Variants in PNPLA6 observed in about 807,000 individuals in gnomAD.
The protein encoded by PNPLA6 is patatin like domain 6, lysophospholipase.
In PNPLA6, 105 loss-of-function variants were observed where a neutral mutation model predicts 153.7. The ratio of observed to expected loss-of-function variants is 0.68; its 90% CI spans 0.58 to 0.80. The LOEUF (loss-of-function observed/expected upper bound fraction) is 0.80, where lower values mean the gene tolerates loss of function less well. PNPLA6 is among the 30% of genes least tolerant of loss of function. PNPLA6 has a pLI of 0.00. For synonymous variants in PNPLA6, 825 were observed against 822.2 expected (o/e 1.00, Z -0.06); for missense variants, 1,423 against 1,919.3 (o/e 0.74, Z 4.83).
chr19:7,561,393 G>A (rs2024095540), intron 31 of PNPLA6, 76 bp downstream of exon 31: 1 of 1,431,656 alleles, frequency 7.0e-7, no homozygotes, highest in Admixed American at 1.9e-5. Flanking sequence ...GGGAGCCGGG[G>A]GCGTATTTGA....
rs73921451 is a variant in PNPLA6 at position 7,536,115 on chromosome 19, T to C, written c.233-76T>C. On this transcript the variant is annotated intron_variant, in intron 1 of 31. Transcript: ENST00000600737. Reference sequence around the variant, plus strand: ...GCAGAGATGGGGATTTGCTGGCGTCTGTTCGCGGTACCCCAGCTCTGGCAG... The same window carrying C: ...GCAGAGATGGGGATTTGCTGGCGTCCGTTCGCGGTACCCCAGCTCTGGCAG... 1.4e-3 allele frequency: 2,091 copies of C among 1,541,302 alleles called. 21 individuals are homozygous for C. The African/African-American group carries it at 0.025, about 19-fold the overall frequency.
Position 7,540,862 on chromosome 19 carries a change from A to C in PNPLA6, c.796-61A>C. The C allele has an allele frequency of 1.9e-6, 3 of 1,608,450 alleles. No homozygotes were observed. Among genetic ancestry groups the C allele is most frequent in the Non-Finnish European group, 2.6e-6 (3 of 1,175,952 alleles). On this transcript the variant is annotated intron_variant, in intron 6 of 31. Transcript: ENST00000600737. The surrounding 1 kb of genome is among the most constrained non-coding windows in gnomAD (Gnocchi z 6.8). ...GACTGGCGCCAGGAAGGATTAGGGG[A>C]GTAGCGAGGGGGACTCGCAGCCTCT...
At chr19:7,552,669 C>T (rs905199557) in intron 18 of PNPLA6, among the ~76,000 whole-genome samples, 3 of 148,192 alleles carry the variant, frequency 2.0e-5, no homozygotes, top group African/African-American at 5.0e-5. Context: ...GCAGGAGAAT[C>T]GCTTGAACCG....
rs2023824460 is a variant in PNPLA6 at position 7,555,262 on chromosome 19, A to G, written c.2831A>G (p.Glu944Gly). The G allele has an allele frequency of 6.3e-7, 1 of 1,597,862 alleles. No individual in the cohort carries two copies. The highest frequency in any genetic ancestry group is 1.3e-5 in the African/African-American group (1 of 74,608). The change falls in exon 23 of 32, where the codon GAG (glutamate) becomes GGG (glycine). Residue 944 changes from glutamate (E) to glycine (G), a missense_variant. Coordinates refer to ENST00000600737, the MANE Select transcript of PNPLA6 (RefSeq NM_001166114.2). This position sits in a 1 kb window ranked among gnomAD's most constrained non-coding sequence, Gnocchi z 6.3. ...CCCCCATCCCAGCATGAGCTCTACG[A>G]GAAGGTTTTCTCCAGGCGCGCGGAC... The part of the protein sequence containing the change: ...RSPAKLHELY[E>G]KVFSRRADRH...
At chr19:7,554,343 T>A in intron 20 of PNPLA6, 71 bp downstream of exon 20, 1 of 1,444,884 alleles carries the variant, frequency 6.9e-7, no homozygotes, top group Non-Finnish European at 9.7e-7. Context: ...CAGACCTGAG[T>A]TCAAGTTCTT....
At chr19:7,534,957 C>G (rs889368), upstream of PNPLA6, 2,764 of 160,996 alleles carry the variant, frequency 0.017, 214 homozygotes, top group Admixed American at 0.13. Context: ...TGCCTCCCAG[C>G]TCCTGGGTCT....
At chr19:7,543,147 C>A in intron 13 of PNPLA6, 63 bp downstream of exon 13, 1 of 1,360,690 alleles carries the variant, frequency 7.3e-7, no homozygotes, top group Non-Finnish European at 1.1e-6. Flanking sequence ...CTTCTGTGAC[C>A]TCTGATCCCT....
chr19:7,551,703 G>A (rs2023659329), intron 18 of PNPLA6, among the ~76,000 whole-genome samples: 1 of 152,160 alleles, frequency 6.6e-6, no homozygotes, highest in Non-Finnish European at 1.5e-5. Context: ...TGGTGCCGGG[G>A]AGGGAGTCTT....
upstream of PNPLA6, chr19:7,535,564 T>C (rs1035379229): frequency 1.2e-6 from 2 of 1,604,962 alleles, no homozygotes; most frequent in Non-Finnish European, 1.7e-6. The surrounding 1 kb of genome is among the most constrained non-coding windows in gnomAD (Gnocchi z 5.0). Flanking sequence ...GAGGCTCCGC[T>C]GCAAACTGGA....
At position 7,535,863 on chromosome 19, in the gene PNPLA6, C is replaced by T. The variant is rs2022838242; in HGVS notation, c.75C>T (p.Asp25=). 1.3e-6 allele frequency: 2 copies of T among 1,539,726 alleles called. No homozygotes were observed. Among genetic ancestry groups the T allele is most frequent in the Non-Finnish European group, 1.7e-6 (2 of 1,148,054 alleles). The change falls in exon 1 of 32, where the codon GAC becomes GAT. Residue 25 remains aspartate (D), a synonymous_variant. Coordinates refer to ENST00000600737, the MANE Select transcript of PNPLA6 (RefSeq NM_001166114.2). This position sits in a 1 kb window ranked among gnomAD's most constrained non-coding sequence, Gnocchi z 5.0. The stretch of plus-strand genomic sequence containing the variant: ...TGGCGGAGAGGGATGGGTTCCAGGA[C>T]GTCCTGGCGCCCGGGGAAGGCTCGG... ...AKVAERDGFQ[D]VLAPGEGSAG...
chr19:7,558,112 C>T (rs1048592431), intron 27 of PNPLA6, among the ~76,000 whole-genome samples: 4 of 152,346 alleles, frequency 2.6e-5, no homozygotes, highest in East Asian at 3.9e-4. Flanking sequence ...TGTGCACACA[C>T]GTAGATAGGA....
chr19:7,556,761 G>A lies in PNPLA6; in HGVS notation c.3280+37G>A, dbSNP rs570973508. The A allele has an allele frequency of 1.1e-4, 162 of 1,485,110 alleles. No individual in the cohort carries two copies. In the South Asian group the frequency reaches 1.4e-3, roughly 13 times the overall value. 92.0% of individuals were successfully genotyped at this position (1,485,110 alleles called of 1,614,324 possible). A position where few individuals can be genotyped will look rare whatever the true frequency, so the allele number is the denominator to read the frequency against. ...CGCCCAGCCTGCAGCAACCGCTGACGCCACGTGGGGTTGGGGGGATGCTTC... is the reference window on the plus strand; with the variant it reads ...CGCCCAGCCTGCAGCAACCGCTGACACCACGTGGGGTTGGGGGGATGCTTC... On this transcript the variant is annotated intron_variant, in intron 26 of 31. Transcript: ENST00000600737.
In PNPLA6 at chr19:7,540,107, G is replaced by A. The variant is rs202211650; in HGVS notation, c.555-42G>A. 1.2e-4 allele frequency: 201 copies of A among 1,613,556 alleles called. 1 individual carries two copies. In the African/African-American group the frequency reaches 2.3e-3, roughly 18 times the overall value. ...GGTGGAGGGCTGCAGACGTGGGGCC[G>A]CCCTGACCTCCAGCCTCTGTCGCCC... is the stretch of plus-strand genomic sequence containing the variant. On this transcript the variant is annotated intron_variant, in intron 4 of 31. Coordinates refer to ENST00000600737, the MANE Select transcript of PNPLA6 (RefSeq NM_001166114.2). This position sits in a 1 kb window ranked among gnomAD's most constrained non-coding sequence, Gnocchi z 6.8.
intron 13 of PNPLA6, among the ~76,000 whole-genome samples, chr19:7,545,592 G>A (rs1019444639): frequency 6.6e-6 from 1 of 152,078 alleles, no homozygotes; most frequent in Non-Finnish European, 1.5e-5. Flanking sequence ...GCCCCATCTC[G>A]AACTGTGTGC....
intron 16 of PNPLA6, 37 bp downstream of exon 16, chr19:7,550,677 T>A (rs1320976694): frequency 6.2e-7 from 1 of 1,606,780 alleles, no homozygotes; most frequent in South Asian, 1.1e-5. Context: ...TCTGGCCTTT[T>A]CCAGGCCAGT....
At chr19:7,557,068 T>C in intron 26 of PNPLA6, 100 bp from the exon 27 acceptor site, 1 of 941,852 alleles carries the variant, frequency 1.1e-6, no homozygotes, top group Non-Finnish European at 1.7e-6. Context: ...GGGTGCTACG[T>C]TAACAACGTC....
chr19:7,546,505 A>G (rs578141820), intron 13 of PNPLA6, among the ~76,000 whole-genome samples: 2 of 152,212 alleles, frequency 1.3e-5, no homozygotes, highest in African/African-American at 2.4e-5. Context: ...ATGGTGGCGC[A>G]TGCCTGTAGT....
chr19:7,553,027 A>C (rs480208), intron 18 of PNPLA6, among the ~76,000 whole-genome samples: 2 of 119,072 alleles, frequency 1.7e-5, no homozygotes, highest in African/African-American at 3.5e-5. Context: ...GGGAGAGGTG[A>C]TGGGGGTTGG....
At chr19:7,560,789 C>A in intron 29 of PNPLA6, 25 bp downstream of exon 29, 1 of 1,388,398 alleles carries the variant, frequency 7.2e-7, no homozygotes, top group Non-Finnish European at 1.0e-6. Flanking sequence ...CCCCCAGGGC[C>A]ACTCTGACTC....
Sources: allele counts gnomAD v4.1 joint callset (sites outside exome capture counted in the v4.1 genomes callset), GRCh38; gene constraint gnomAD v4.1.1; non-coding constraint Gnocchi (gnomAD v3.1); transcripts MANE v1.5; gene names NCBI Gene and HGNC (gene_info 2026-07-23, HGNC 2026-07-21).